WDFY2: variants seen among roughly 807,000 people sequenced by gnomAD.
WDFY2 encodes WD repeat and FYVE domain containing 2, also known as WD repeat and FYVE domain-containing protein 2.
In WDFY2, 36 loss-of-function variants were observed where a neutral mutation model predicts 56.4. The ratio of observed to expected loss-of-function variants is 0.64; its 90% CI spans 0.49 to 0.84. The LOEUF is 0.84. Among genes scored for constraint, WDFY2 ranks in the 40% least tolerant of loss-of-function variants. The pLI, the probability that WDFY2 is intolerant of heterozygous loss-of-function variation, is 0.00. For synonymous variants in WDFY2, 176 were observed against 183.7 expected (o/e 0.96, Z 0.34); for missense variants, 444 against 512.2 (o/e 0.87, Z 1.29).
Position 51,627,627 on chromosome 13 carries a change from G to A in WDFY2, c.138-32969G>A, listed in dbSNP as rs574075208. Among the ~76,000 whole-genome samples the A allele has an allele frequency of 2.2e-4, 34 of 152,058 alleles. 2 individuals are homozygous for A. In the South Asian group the frequency reaches 5.2e-3, roughly 23 times the overall value. On this transcript the variant is annotated intron_variant, in intron 1 of 11. Coordinates refer to ENST00000298125, the MANE Select transcript of WDFY2 (RefSeq NM_052950.4). ...TTGAACTCCTGACGTCAGGTGGTCC[G>A]CCCGCTTTGGCCTCCCAAAGTGCTG...
chr13:51,719,497 C>G (rs1952441096), intron 5 of WDFY2, 149 bp downstream of exon 5: 3 of 937,614 alleles, frequency 3.2e-6, no homozygotes, highest in Non-Finnish European at 4.7e-6. Flanking sequence ...TCCTGAGGCA[C>G]AAATCATTGA....
Position 51,595,728 on chromosome 13 carries a change from C to T in WDFY2, c.137+10904C>T, listed in dbSNP as rs973876910. Among the ~76,000 whole-genome samples, 14 of 152,164 alleles carry T rather than the reference C, an allele frequency of 9.2e-5. 1 individual carries two copies. The highest frequency in any genetic ancestry group is 3.4e-4 in the African/African-American group (14 of 41,442). On this transcript the variant is annotated intron_variant, in intron 1 of 11. Transcript: ENST00000298125. ...AAGAAATCAAAAGATAGCCAGAAAGCTCATGTTTCTAAAAACTTAGATGTG... is the reference window on the plus strand; with the variant it reads ...AAGAAATCAAAAGATAGCCAGAAAGTTCATGTTTCTAAAAACTTAGATGTG...
chr13:51,733,609 TGGAG>T (rs1249387845), intron 6 of WDFY2, among the ~76,000 whole-genome samples: 4 of 152,124 alleles, frequency 2.6e-5, no homozygotes, highest in Non-Finnish European at 5.9e-5. Flanking sequence ...ACAGAATGGA[TGGAG>T]GGAGACTGTT....
chr13:51,639,933 A>G (rs1464357189), intron 1 of WDFY2, among the ~76,000 whole-genome samples: 1 of 152,194 alleles, frequency 6.6e-6, no homozygotes, highest in African/African-American at 2.4e-5. Flanking sequence ...AAAAATTTCT[A>G]GCAGGATTAT....
intron 1 of WDFY2, chr13:51,586,319 T>G (rs1024891705): frequency 4.8e-5 from 17 of 355,310 alleles, no homozygotes; most frequent in Non-Finnish European, 6.0e-5. Context: ...GAGATGGAAC[T>G]GATCAATTTC....
At chr13:51,736,993 A>C (rs908748207) in intron 6 of WDFY2, among the ~76,000 whole-genome samples, 1 of 152,148 alleles carries the variant, frequency 6.6e-6, no homozygotes, top group African/African-American at 2.4e-5. Context: ...CCATTATTAA[A>C]TCTGATAATG....
At chr13:51,634,072 T>A (rs1275002894) in intron 1 of WDFY2, among the ~76,000 whole-genome samples, 2 of 152,220 alleles carry the variant, frequency 1.3e-5, no homozygotes, top group Non-Finnish European at 2.9e-5. Context: ...CCTAAATTAC[T>A]TAACTTCTTT....
intron 1 of WDFY2, among the ~76,000 whole-genome samples, chr13:51,633,093 CTT>C (rs1954983286): frequency 6.6e-6 from 1 of 152,206 alleles, no homozygotes; most frequent in Non-Finnish European, 1.5e-5. Flanking sequence ...AACAGTGTTC[CTT>C]TTGTGTCTGC....
intron 4 of WDFY2, among the ~76,000 whole-genome samples, chr13:51,715,843 T>C (rs1446041029): frequency 6.6e-6 from 1 of 152,150 alleles, no homozygotes; most frequent in Non-Finnish European, 1.5e-5. Context: ...TTCAGCCCCA[T>C]TATAATCTTA....
chr13:51,599,029 C>T, intron 1 of WDFY2, among the ~76,000 whole-genome samples: 1 of 151,880 alleles, frequency 6.6e-6, no homozygotes, highest in Non-Finnish European at 1.5e-5. Flanking sequence ...CTGCCTCAGC[C>T]TCCTGAGTAG....
intron 1 of WDFY2, among the ~76,000 whole-genome samples, chr13:51,653,499 A>T (rs1955446020): frequency 6.6e-6 from 1 of 152,028 alleles, no homozygotes; most frequent in African/African-American, 2.4e-5. Flanking sequence ...AATTTTCAGT[A>T]TTTCTGCTCT....
intron 5 of WDFY2, among the ~76,000 whole-genome samples, chr13:51,724,231 CTTTTTTT>C (rs529903671): frequency 3.6e-4 from 39 of 107,988 alleles, no homozygotes; most frequent in African/African-American, 9.2e-4. Context: ...TCTTTTTTAA[CTTTTTTT>C]TTTTTTTTTT....
chr13:51,616,439 C>G (rs1195440491), intron 1 of WDFY2, among the ~76,000 whole-genome samples: 2 of 152,154 alleles, frequency 1.3e-5, no homozygotes, highest in South Asian at 2.1e-4. Context: ...TAGTACTCAC[C>G]TGCATCAGTC....
intron 1 of WDFY2, among the ~76,000 whole-genome samples, chr13:51,593,044 A>G (rs1375162208): frequency 6.6e-6 from 1 of 152,222 alleles, no homozygotes; most frequent in African/African-American, 2.4e-5. Flanking sequence ...AGTATTTCAT[A>G]TATTTCCTTC....
At chr13:51,592,809 G>A (rs1954076362) in intron 1 of WDFY2, among the ~76,000 whole-genome samples, 1 of 151,978 alleles carries the variant, frequency 6.6e-6, no homozygotes, top group Admixed American at 6.6e-5. Flanking sequence ...TCGCTCTGGA[G>A]TATGTTTACA....
intron 6 of WDFY2, among the ~76,000 whole-genome samples, chr13:51,734,287 T>G (rs1465428697): frequency 6.6e-6 from 1 of 152,218 alleles, no homozygotes; most frequent in African/African-American, 2.4e-5. Context: ...CTAAAAATCT[T>G]TATACTCTCT....
Position 51,767,308 on chromosome 13 carries a change from G to A in WDFY2, c.*7539G>A, listed in dbSNP as rs145627130. On this transcript the variant is annotated 3_prime_UTR_variant, in exon 12 of 12. Transcript: ENST00000298125. ...AGAAAAGGAGGCATGCAGTTAAATG[G>A]AGCTGGTGCTTGCTTGATAGCGCCT... 194 of 152,376 alleles carry A rather than the reference G, an allele frequency of 1.3e-3. 1 individual carries two copies. Among genetic ancestry groups the A allele is most frequent in the African/African-American group, 4.4e-3 (185 of 41,590 alleles). The allele number at this position is 152,376 out of a possible 1,614,324, so 9.4% of individuals were successfully genotyped here. A position where few individuals can be genotyped will look rare whatever the true frequency, so the allele number is the denominator to read the frequency against.
rs143029510 is a variant in WDFY2 at position 51,727,773 on chromosome 13, C to G, written c.581C>G (p.Thr194Arg). The G allele has an allele frequency of 9.5e-4, 1,533 of 1,614,162 alleles. 4 individuals are homozygous for G. The highest frequency in any genetic ancestry group is 1.5e-3 in the Middle Eastern group (9 of 6,062). The change falls in exon 6 of 12, where the codon ACA (threonine) becomes AGA (arginine). Residue 194 changes from threonine to arginine, a missense_variant. By Grantham distance (71) the Thr-to-Arg change is moderately conservative. Coordinates refer to ENST00000298125, the MANE Select transcript of WDFY2 (RefSeq NM_052950.4). ...LEQENCTLVT[T>R]FRGHTGGVTA... is the part of the protein sequence containing the mutation. ...CAAGAAAACTGCACCCTGGTCACAA[C>G]ATTCAGAGGACACACAGGTAGGATT...
chr13:51,652,609 A>C (rs1393437914), intron 1 of WDFY2, among the ~76,000 whole-genome samples: 1 of 152,158 alleles, frequency 6.6e-6, no homozygotes, highest in African/African-American at 2.4e-5. Context: ...GGTGGTGACA[A>C]AATCTCTCAG....
Sources: allele counts gnomAD v4.1 joint callset (sites outside exome capture counted in the v4.1 genomes callset), GRCh38; gene constraint gnomAD v4.1.1; transcripts MANE v1.5; gene names NCBI Gene and HGNC (gene_info 2026-07-23, HGNC 2026-07-21).